FANCD2OS: variants seen among roughly 807,000 people sequenced by gnomAD.
FANCD2OS encodes the protein FANCD2 opposite strand protein.
In FANCD2OS, 11 loss-of-function variants were observed where a neutral mutation model predicts 13.2. That is an observed-to-expected ratio of 0.83 (90% CI 0.52 to 1.38). FANCD2OS has a LOEUF of 1.38. FANCD2OS is among the 40% of genes most tolerant of loss of function. The pLI, the probability that FANCD2OS is intolerant of heterozygous loss-of-function variation, is 0.00. For missense variants in FANCD2OS, 217 were observed against 213.9 expected, an observed-to-expected ratio of 1.01 and a Z score of -0.09; for synonymous variants, 69 against 84.5, an observed-to-expected ratio of 0.82 and a Z score of 1.01.
At chr3:10,099,078 A>C (rs1309263502), downstream of FANCD2OS, 2 of 1,548,018 alleles carry the variant, frequency 1.3e-6, no homozygotes, top group Non-Finnish European at 1.7e-6. Flanking sequence ...ATAGCCTCTC[A>C]TTTTCCATGA....
intron 2 of FANCD2OS, among the ~76,000 whole-genome samples, chr3:10,090,831 G>C (rs559055045): frequency 6.6e-6 from 1 of 152,026 alleles, no homozygotes; most frequent in East Asian, 1.9e-4. Flanking sequence ...TTTGTTTTGA[G>C]TTTCTGAGAT....
chr3:10,105,831 C>T (rs545033652), intron 1 of FANCD2OS, among the ~76,000 whole-genome samples: 27 of 112,136 alleles, frequency 2.4e-4, no homozygotes, highest in Middle Eastern at 7.7e-3. Flanking sequence ...TTTTGAGGTT[C>T]GCGATGTATG....
rs1008230511 is a variant in FANCD2OS at position 10,096,482 on chromosome 3, G to A, written c.*43+7716C>T. The A allele has an allele frequency of 9.3e-6, 15 of 1,613,410 alleles. No homozygotes were observed. Among genetic ancestry groups the A allele is most frequent in the Non-Finnish European group, 1.2e-5 (14 of 1,179,414 alleles). ...AAACCGGGACTTGCAGGTAAGCCTT[G>A]GATCCTGCTAGTGATAATCCCCTAC... On this transcript the variant is annotated intron_variant, in intron 2 of 2. Coordinates refer to the FANCD2OS transcript ENST00000524279.
chr3:10,086,987 G>A, intron 2 of FANCD2OS: 4 of 854,750 alleles, frequency 4.7e-6, no homozygotes, highest in African/African-American at 1.7e-5. Flanking sequence ...GCTTGAAGAG[G>A]GTTGCTACTA....
intron 2 of FANCD2OS, among the ~76,000 whole-genome samples, chr3:10,084,447 G>A (rs1240911930): frequency 6.6e-6 from 1 of 151,674 alleles, no homozygotes; most frequent in Non-Finnish European, 1.5e-5. Flanking sequence ...GTACCACCAT[G>A]CCCAGCTGAT....
At position 10,090,315 on chromosome 3, in the gene FANCD2OS, G is replaced by T. The variant is rs121917786; in HGVS notation, c.*44-8784C>A. 1.2e-6 allele frequency: 2 copies of T among 1,613,514 alleles called. No homozygotes were observed. The highest frequency in any genetic ancestry group is 3.3e-5 in the Admixed American group (2 of 59,972). ...AGGCATACTTTTGTTGTTTTCTTCC[G>T]TGTGATGATGGCTGAACTAGAGAAG... On this transcript the variant is annotated intron_variant, in intron 2 of 2. Transcript: ENST00000524279.
chr3:10,092,621 C>T lies in FANCD2OS; in HGVS notation c.*44-11090G>A, dbSNP rs556247589. ...CACACTGTGCTCTCACCCACTCCAT[C>T]GTGGTTTTGCTCAGCTTGTTCCCCC... On this transcript the variant is annotated intron_variant, in intron 2 of 2. Coordinates refer to the FANCD2OS transcript ENST00000524279. 7.4e-4 allele frequency among the ~76,000 whole-genome samples: 112 copies of T among 150,916 alleles called. 1 individual carries two copies. The South Asian group carries it at 0.018, about 25-fold the overall frequency.
chr3:10,089,285 C>CAA (rs762191428), intron 2 of FANCD2OS, among the ~76,000 whole-genome samples: 1 of 141,204 alleles, frequency 7.1e-6, no homozygotes, highest in Non-Finnish European at 1.5e-5. Flanking sequence ...AACTCCATCT[C>CAA]AAAAAAAAAA....
At chr3:10,100,243 CT>C (rs1695222216), downstream of FANCD2OS, among the ~76,000 whole-genome samples, 1 of 152,176 alleles carries the variant, frequency 6.6e-6, no homozygotes, top group African/African-American at 2.4e-5. Flanking sequence ...ACCCCTTCTA[CT>C]TTTTTCTCAG....
intron 2 of FANCD2OS, chr3:10,085,704 T>G (rs1418514043): frequency 1.2e-6 from 1 of 816,922 alleles, no homozygotes; most frequent in Non-Finnish European, 2.2e-6. Context: ...AATTCTTTTT[T>G]CAAACCGTTA....
At position 10,104,102 on chromosome 3, in the gene FANCD2OS, C is replaced by T. The variant is rs1695400783; in HGVS notation, c.*139G>A. The T allele has an allele frequency of 2.7e-6, 2 of 744,500 alleles. No individual in the cohort carries two copies. Among genetic ancestry groups the T allele is most frequent in the Admixed American group, 3.2e-5 (1 of 30,868 alleles). The allele number at this position is 744,500 out of a possible 1,614,324, so 46.1% of individuals were successfully genotyped here. A position where few individuals can be genotyped will look rare whatever the true frequency, so the allele number is the denominator to read the frequency against. On this transcript the variant is annotated 3_prime_UTR_variant, in exon 2 of 2. Transcript: ENST00000450660. ...TGGAGGGGAAGGGATGAAAGGGGCT[C>T]CTGAATCATCACTGCTTGAAACAAA...
At chr3:10,106,774 C>T (rs1268589616) in intron 1 of FANCD2OS, among the ~76,000 whole-genome samples, 8 of 152,056 alleles carry the variant, frequency 5.3e-5, no homozygotes, top group Admixed American at 4.6e-4. Flanking sequence ...ATTAGCCAGG[C>T]GTGGTGGTGG....
downstream of FANCD2OS, chr3:10,099,310 A>G (rs1470502337): frequency 5.7e-6 from 7 of 1,222,224 alleles, no homozygotes; most frequent in Admixed American, 8.3e-5. Flanking sequence ...GCTTTCGACA[A>G]TTTAAAGAAA....
At chr3:10,098,897 C>T (rs778424847), downstream of FANCD2OS, 5 of 1,614,170 alleles carry the variant, frequency 3.1e-6, no homozygotes, top group Non-Finnish European at 4.2e-6. Flanking sequence ...CAGAACTTTG[C>T]CTACTTATGT....
intron 1 of FANCD2OS, among the ~76,000 whole-genome samples, chr3:10,107,630 G>T (rs1045394655): frequency 6.6e-6 from 1 of 151,624 alleles, no homozygotes; most frequent in African/African-American, 2.4e-5. Context: ...GGAAGTAGAG[G>T]TAGAAGTAAA....
intron 2 of FANCD2OS, chr3:10,088,434 CTTCTT>C (rs781725867): frequency 6.4e-7 from 1 of 1,551,064 alleles, no homozygotes; most frequent in Non-Finnish European, 8.9e-7. Context: ...ATTCCTTTGT[CTTCTT>C]TTCTAACAGC....
chr3:10,088,406 C>A, intron 2 of FANCD2OS: 5 of 1,174,472 alleles, frequency 4.3e-6, no homozygotes, highest in South Asian at 1.2e-5. Context: ...AGAATGAGGT[C>A]AAGTTCCCAT....
intron 2 of FANCD2OS, chr3:10,095,005 G>T: frequency 1.6e-6 from 1 of 612,234 alleles, no homozygotes; most frequent in Admixed American, 2.5e-5. Flanking sequence ...ATTGATACAA[G>T]GGACAGAAAT....
intron 2 of FANCD2OS, among the ~76,000 whole-genome samples, chr3:10,094,122 T>C (rs1304771075): frequency 1.3e-5 from 2 of 152,232 alleles, no homozygotes; most frequent in Non-Finnish European, 2.9e-5. Context: ...ATTTGATTTT[T>C]GTATTAAGTT....
Sources: allele counts gnomAD v4.1 joint callset (sites outside exome capture counted in the v4.1 genomes callset), GRCh38; gene constraint gnomAD v4.1.1; transcripts MANE v1.5; gene names NCBI Gene and HGNC (gene_info 2026-07-23, HGNC 2026-07-21).